The following CCDC85C variants were observed in gnomAD, a reference collection of about 807,000 sequenced individuals.
The protein encoded by CCDC85C is coiled-coil domain-containing protein 85C.
CCDC85C carries 18 observed loss-of-function variants against 38.3 expected under a neutral mutation model. That is an observed-to-expected ratio of 0.47 (90% CI 0.33 to 0.70). The LOEUF (loss-of-function observed/expected upper bound fraction) is 0.70, where lower values mean the gene tolerates loss of function less well. CCDC85C is among the 30% of genes least tolerant of loss of function. The pLI, the probability that CCDC85C is intolerant of heterozygous loss-of-function variation, is 0.03. For synonymous variants in CCDC85C, 264 were observed against 293.8 expected (o/e 0.90, Z 1.04); for missense variants, 566 against 621.2 (o/e 0.91, Z 0.94).
Position 99,502,884 on chromosome 14 carries a change from A to C in CCDC85C, c.*12362T>G. 1 of 1,613,444 alleles carries C rather than the reference A, an allele frequency of 6.2e-7. No homozygotes were observed. On this transcript the variant is annotated 3_prime_UTR_variant, in exon 6 of 6. Transcript: ENST00000380243. ...AGCTCCGAACCATCCCAGCCCCAGC[A>C]GAAGGACCCCCAGCAACCAGCCCAG...
At chr14:99,562,088 G>C (rs1241849956) in intron 1 of CCDC85C, among the ~76,000 whole-genome samples, 1 of 152,178 alleles carries the variant, frequency 6.6e-6, no homozygotes, top group Non-Finnish European at 1.5e-5. Flanking sequence ...TTACCCCACA[G>C]GTGAGGACAT....
At position 99,507,861 on chromosome 14, in the gene CCDC85C, G is replaced by A. The variant is rs1897014073; in HGVS notation, c.*7385C>T. On this transcript the variant is annotated 3_prime_UTR_variant, in exon 6 of 6. Transcript: ENST00000380243. ...GAAAAGTTCTCAACAAGTAGTACAT[G>A]GTAAGCTGGAAAGCCTCTCTGATAC... The A allele has an allele frequency of 6.6e-6, 1 of 152,212 alleles. No individual in the cohort carries two copies. The highest frequency in any genetic ancestry group is 1.5e-5 in the Non-Finnish European group (1 of 68,052). 9.4% of individuals were successfully genotyped at this position (152,212 alleles called of 1,614,324 possible).
chr14:99,596,534 A>C (rs1031302035), intron 1 of CCDC85C, among the ~76,000 whole-genome samples: 1 of 152,220 alleles, frequency 6.6e-6, no homozygotes, highest in African/African-American at 2.4e-5. Context: ...GTCAGCGGTG[A>C]CCTGCTGAAG....
chr14:99,518,580 C>T (rs1402316161), intron 3 of CCDC85C, among the ~76,000 whole-genome samples: 1 of 151,506 alleles, frequency 6.6e-6, no homozygotes, highest in Non-Finnish European at 1.5e-5. Flanking sequence ...AGGCGGCACT[C>T]CCCGCGCCAG....
intron 1 of CCDC85C, among the ~76,000 whole-genome samples, chr14:99,562,101 T>G (rs1213278344): frequency 6.6e-6 from 1 of 152,152 alleles, no homozygotes; most frequent in Admixed American, 6.5e-5. Flanking sequence ...GAGGACATGA[T>G]GATGTCATCA....
At chr14:99,546,057 T>C (rs545442889) in intron 1 of CCDC85C, among the ~76,000 whole-genome samples, 9 of 145,686 alleles carry the variant, frequency 6.2e-5, no homozygotes, top group African/African-American at 2.2e-4. Flanking sequence ...GAAGTCTGCA[T>C]GGGGGGGGGG....
chr14:99,540,616 C>T (rs1478563045), intron 1 of CCDC85C, among the ~76,000 whole-genome samples: 1 of 152,200 alleles, frequency 6.6e-6, no homozygotes, highest in Non-Finnish European at 1.5e-5. Context: ...TGACCCTGGG[C>T]TGGCCTGGCC....
At chr14:99,536,121 C>A in intron 1 of CCDC85C, 33 bp from the exon 2 acceptor site, 1 of 1,466,712 alleles carries the variant, frequency 6.8e-7, no homozygotes, top group Non-Finnish European at 9.3e-7. Context: ...GGGACATTAG[C>A]CTCCAGCAGA....
Position 99,516,233 on chromosome 14 carries a change from C to G in CCDC85C, c.1125G>C (p.Glu375Asp), listed in dbSNP as rs376773544. The G allele has an allele frequency of 6.4e-7, 1 of 1,551,206 alleles. No homozygotes were observed. Among genetic ancestry groups the G allele is most frequent in the Non-Finnish European group, 8.7e-7 (1 of 1,146,956 alleles). The change falls in exon 5 of 6, where the codon GAG becomes GAC. Residue 375 changes from glutamate to aspartate, a missense_variant. By Grantham distance (45) the Glu-to-Asp change is conservative. This residue lies in a region of CCDC85C where 286 missense variants were observed against 276.4 expected (regional missense o/e 1.03). Transcript: ENST00000380243. This position sits in a 1 kb window ranked among gnomAD's most constrained non-coding sequence, Gnocchi z 5.5. Reference protein sequence around the residue: ...LDRQLQDSCEEDLSEKEKAIV... With the variant: ...LDRQLQDSCEDDLSEKEKAIV... ...TGGCCTTCTCCTTCTCACTCAGGTC[C>G]TCCTCACAGCTGTCCTGGAGCTGCC...
At chr14:99,536,611 G>A (rs533223971) in intron 1 of CCDC85C, among the ~76,000 whole-genome samples, 20 of 152,302 alleles carry the variant, frequency 1.3e-4, no homozygotes, top group Non-Finnish European at 2.5e-4. Flanking sequence ...AGTCCACTTC[G>A]CCTGATCACC....
At chr14:99,580,036 A>T (rs78395743) in intron 1 of CCDC85C, 30,981 of 455,446 alleles carry the variant, frequency 0.068, 1,896 homozygotes, top group African/African-American at 0.19. Flanking sequence ...AGTGAGTCAC[A>T]TGGGCAGGGC....
chr14:99,552,511 C>T (rs930780995), intron 1 of CCDC85C, among the ~76,000 whole-genome samples: 4 of 152,222 alleles, frequency 2.6e-5, no homozygotes, highest in African/African-American at 4.8e-5. Flanking sequence ...CCCCTCAGTC[C>T]GGTGGGACGA....
At position 99,589,244 on chromosome 14, in the gene CCDC85C, G is replaced by T. The variant is rs140571627; in HGVS notation, c.793+13923C>A. On this transcript the variant is annotated intron_variant, in intron 1 of 5. Transcript: ENST00000380243. ...AGTGAGCCCTGAGGACAGCAGGCAG[G>T]GGGGAGCACACAGCCACGGCCCAGA... 3.0e-3 allele frequency among the ~76,000 whole-genome samples: 461 copies of T among 151,926 alleles called. 1 individual carries two copies. Among genetic ancestry groups the T allele is most frequent in the Non-Finnish European group, 3.9e-3 (264 of 67,972 alleles).
chr14:99,602,781 T>G (rs2055215411), intron 1 of CCDC85C, among the ~76,000 whole-genome samples: 1 of 152,122 alleles, frequency 6.6e-6, no homozygotes. Flanking sequence ...TCACTTGCGC[T>G]CAAGGGGCCT....
intron 1 of CCDC85C, among the ~76,000 whole-genome samples, chr14:99,540,084 G>T (rs2139924026): frequency 6.6e-6 from 1 of 152,132 alleles, no homozygotes; most frequent in East Asian, 1.9e-4. Flanking sequence ...GGAGGCAGAG[G>T]TTGCAGTGAG....
chr14:99,552,543 C>T (rs540126719), intron 1 of CCDC85C, among the ~76,000 whole-genome samples: 2 of 152,324 alleles, frequency 1.3e-5, no homozygotes, highest in African/African-American at 2.4e-5. Context: ...CTAGACCTCT[C>T]AAAGGGAAGG....
chr14:99,538,947 C>T (rs1353221635), intron 1 of CCDC85C, among the ~76,000 whole-genome samples: 1 of 152,196 alleles, frequency 6.6e-6, no homozygotes, highest in East Asian at 1.9e-4. Context: ...CATCGGGCCA[C>T]CTGTAGGCAC....
chr14:99,515,081 G>A lies in CCDC85C; in HGVS notation c.*165C>T. On this transcript the variant is annotated 3_prime_UTR_variant, in exon 6 of 6. Coordinates refer to ENST00000380243, the MANE Select transcript of CCDC85C (RefSeq NM_001144995.2). ...GCGGGAGATGGCGGCTTGGGCCAGT[G>A]CATCGGACCCATGGCAGCTGGGCCA... 8.7e-6 allele frequency: 5 copies of A among 575,270 alleles called. No individual in the cohort carries two copies. Among genetic ancestry groups the A allele is most frequent in the South Asian group, 2.1e-5 (1 of 48,200 alleles). The allele number at this position is 575,270 out of a possible 1,614,324, so 35.6% of individuals were successfully genotyped here.
chr14:99,503,286 T>C lies in CCDC85C; in HGVS notation c.*11960A>G, dbSNP rs906924375. On this transcript the variant is annotated 3_prime_UTR_variant, in exon 6 of 6. Coordinates refer to ENST00000380243, the MANE Select transcript of CCDC85C (RefSeq NM_001144995.2). Reference sequence around the variant, plus strand: ...CGTGTCCTAGCAGTGTCGTTGTGCATGCTGCTTCTGTGCAGCTGCCTGACC... The same window carrying C: ...CGTGTCCTAGCAGTGTCGTTGTGCACGCTGCTTCTGTGCAGCTGCCTGACC... The C allele has an allele frequency of 1.6e-6, 1 of 618,810 alleles. No individual in the cohort carries two copies. Among genetic ancestry groups the C allele is most frequent in the African/African-American group, 1.8e-5 (1 of 54,528 alleles). 38.3% of individuals were successfully genotyped at this position (618,810 alleles called of 1,614,324 possible). A position where few individuals can be genotyped will look rare whatever the true frequency, so the allele number is the denominator to read the frequency against.
Sources: allele counts gnomAD v4.1 joint callset (sites outside exome capture counted in the v4.1 genomes callset), GRCh38; gene constraint gnomAD v4.1.1; regional missense constraint gnomAD v4.1.1; non-coding constraint Gnocchi (gnomAD v3.1); transcripts MANE v1.5; gene names NCBI Gene and HGNC (gene_info 2026-07-23, HGNC 2026-07-21).